Variants in RP1 observed in about 807,000 individuals in gnomAD.
RP1 encodes the protein RP1 axonemal microtubule associated, also known as oxygen-regulated protein 1.
A neutral mutation model predicts 14.8 loss-of-function variants in RP1; 16 were observed. The ratio of observed to expected loss-of-function variants is 1.08; its 90% CI spans 0.73 to 1.65. RP1 has a LOEUF of 1.65. RP1 is among the 40% of genes most tolerant of loss of function. The pLI is 0.00. For synonymous variants in RP1, 876 were observed against 883.6 expected (o/e 0.99, Z 0.15); for missense variants, 2,631 against 2,535.0 (o/e 1.04, Z -0.81).
At chr8:54,611,887 C>CCCTTCCTTCCTT (rs370167305), upstream of RP1, among the ~76,000 whole-genome samples, 22 of 132,358 alleles carry the variant, frequency 1.7e-4, no homozygotes, top group African/African-American at 5.8e-4. Flanking sequence ...CTCCCTCTCT[C>CCCTTCCTTCCTT]CCTTCCTTCC....
At chr8:54,737,877 G>A (rs1808972492) in intron 18 of RP1, among the ~76,000 whole-genome samples, 1 of 152,246 alleles carries the variant, frequency 6.6e-6, no homozygotes, top group South Asian at 2.1e-4. Context: ...TAATATGCAA[G>A]TGCCTGCCTC....
At chr8:54,610,577 C>G (rs1334406761) in intron 1 of RP1, among the ~76,000 whole-genome samples, 1 of 152,168 alleles carries the variant, frequency 6.6e-6, no homozygotes, top group Non-Finnish European at 1.5e-5. Context: ...AGGTGATATT[C>G]ACTATCACCT....
At chr8:54,765,384 A>C (rs1585673151) in intron 22 of RP1, among the ~76,000 whole-genome samples, 1 of 152,364 alleles carries the variant, frequency 6.6e-6, no homozygotes, top group East Asian at 1.9e-4. Flanking sequence ...AGCCTTATAC[A>C]GAACAGGGCT....
At chr8:54,564,336 A>T (rs1804353208) in intron 1 of RP1, among the ~76,000 whole-genome samples, 1 of 152,158 alleles carries the variant, frequency 6.6e-6, no homozygotes. Context: ...AGGACTCTGG[A>T]GCCAGGGCTT....
intron 1 of RP1, among the ~76,000 whole-genome samples, chr8:54,585,329 G>C (rs1804895372): frequency 6.6e-6 from 1 of 152,188 alleles, no homozygotes; most frequent in South Asian, 2.1e-4. Context: ...TTGGCCTCCT[G>C]TCTCTTCTGG....
At chr8:54,664,616 T>C (rs190444688) in intron 7 of RP1, among the ~76,000 whole-genome samples, 2 of 152,334 alleles carry the variant, frequency 1.3e-5, no homozygotes, top group African/African-American at 2.4e-5. Context: ...TTGCTTTCGA[T>C]GTACATTTCT....
chr8:54,657,127 A>C (rs887067123), intron 6 of RP1, among the ~76,000 whole-genome samples: 2 of 152,204 alleles, frequency 1.3e-5, no homozygotes, highest in Non-Finnish European at 2.9e-5. Context: ...AAAGTGAAGC[A>C]GGAGCATTGT....
chr8:54,831,608 A>T (rs1335651131), intron 24 of RP1, among the ~76,000 whole-genome samples: 1 of 151,338 alleles, frequency 6.6e-6, no homozygotes, highest in African/African-American at 2.4e-5. Flanking sequence ...TATATTACAA[A>T]CCCCATAAAA....
At chr8:54,679,952 G>A in intron 12 of RP1, 1 of 1,535,232 alleles carries the variant, frequency 6.5e-7, no homozygotes, top group South Asian at 1.2e-5. Flanking sequence ...ATCGTACAAA[G>A]CTTGTGGTGC....
At position 54,759,015 on chromosome 8, in the gene RP1, TGTGAACAA is replaced by T; in HGVS notation, c.3190_3197del (p.Glu1064HisfsTer32). 6.5e-7 allele frequency: 1 copy of T among 1,535,936 alleles called. No individual in the cohort carries two copies. Among genetic ancestry groups the T allele is most frequent in the Non-Finnish European group, 8.7e-7 (1 of 1,146,858 alleles). ...CAGTGACAAATCACAGTACTGGTACTGTGAACAAGTCATAGTCAGAGAGCCCGGCACCA... is the reference window on the plus strand; with the variant it reads ...CAGTGACAAATCACAGTACTGGTACTGTCATAGTCAGAGAGCCCGGCACCA... On this transcript the variant is annotated frameshift_variant, in exon 22 of 23. Transcript: ENST00000636932. LOFTEE classifies it high-confidence loss of function.
chr8:54,692,867 G>A (rs1434192531), intron 12 of RP1, among the ~76,000 whole-genome samples: 3 of 152,000 alleles, frequency 2.0e-5, no homozygotes, highest in African/African-American at 4.8e-5. Context: ...ATTGCTTTTG[G>A]TGTTTTAGCC....
intron 17 of RP1, among the ~76,000 whole-genome samples, chr8:54,733,377 A>G (rs1347202343): frequency 6.6e-6 from 1 of 152,188 alleles, no homozygotes; most frequent in Non-Finnish European, 1.5e-5. Context: ...TCACTCCCAC[A>G]GAGATTACCC....
chr8:54,804,039 G>A (rs1810784504), intron 24 of RP1, among the ~76,000 whole-genome samples: 2 of 151,968 alleles, frequency 1.3e-5, no homozygotes, highest in African/African-American at 2.4e-5. Flanking sequence ...CTGCACTCCA[G>A]CCTGGGCAAC....
chr8:54,646,768 A>C (rs1806559713), intron 3 of RP1, among the ~76,000 whole-genome samples: 1 of 152,108 alleles, frequency 6.6e-6, no homozygotes, highest in African/African-American at 2.4e-5. Context: ...TTGTTGGAAA[A>C]TGCAATTTCT....
At chr8:54,718,757 C>G (rs965904429) in intron 15 of RP1, among the ~76,000 whole-genome samples, 1 of 152,110 alleles carries the variant, frequency 6.6e-6, no homozygotes, top group African/African-American at 2.4e-5. Context: ...CATATTATAC[C>G]ATTCCAATTA....
At chr8:54,697,926 A>G (rs1292613822) in intron 12 of RP1, among the ~76,000 whole-genome samples, 1 of 152,224 alleles carries the variant, frequency 6.6e-6, no homozygotes, top group Non-Finnish European at 1.5e-5. Context: ...AACACCTAAA[A>G]CCATAAAAAC....
chr8:54,847,615 G>C (rs929729364), intron 25 of RP1, among the ~76,000 whole-genome samples: 2 of 152,230 alleles, frequency 1.3e-5, no homozygotes, highest in Non-Finnish European at 2.9e-5. Flanking sequence ...CACTATAGCT[G>C]CTGACTGGTG....
Position 54,853,925 on chromosome 8 carries a change from GGAGA to G in RP1, c.3990+1206_3990+1209del, listed in dbSNP as rs148371378. 5.2e-3 allele frequency among the ~76,000 whole-genome samples: 733 copies of G among 140,886 alleles called. 1 individual carries two copies. Among genetic ancestry groups the G allele is most frequent in the African/African-American group, 0.018 (670 of 38,076 alleles). 92.4% of individuals were successfully genotyped at this position (140,886 alleles called of 152,430 possible). On this transcript the variant is annotated intron_variant, in intron 26 of 28. Transcript: ENST00000637698. Reference sequence around the variant, plus strand: ...GAAAGAAAGAGAAAAAAGAAAAAAGGGAGAGAGAGAGAAAGGAAGGAAGGAAGGA... The same window carrying G: ...GAAAGAAAGAGAAAAAAGAAAAAAGGGAGAGAGAAAGGAAGGAAGGAAGGA...
At chr8:54,705,486 G>A (rs558023859) in intron 14 of RP1, among the ~76,000 whole-genome samples, 1 of 152,250 alleles carries the variant, frequency 6.6e-6, no homozygotes, top group South Asian at 2.1e-4. Context: ...AGTCCATGTG[G>A]CTGGTCTCAG....
Sources: gnomAD v4.1 joint callset for allele counts (sites outside exome capture counted in the v4.1 genomes callset) on GRCh38, gnomAD v4.1.1 for gene constraint, MANE v1.5 for transcripts, NCBI Gene and HGNC (gene_info 2026-07-23, HGNC 2026-07-21) for gene names.